The following MLYCD variants were observed in gnomAD, a reference collection of about 807,000 sequenced individuals.
The protein encoded by MLYCD is malonyl-CoA decarboxylase, also known as malonyl-CoA decarboxylase, mitochondrial.
Under a neutral mutation model 35.8 loss-of-function variants are expected in MLYCD, and 27 were observed. The observed-to-expected ratio is 0.75, with a 90% confidence interval of 0.56 to 1.04. The LOEUF (loss-of-function observed/expected upper bound fraction) is 1.04. Among genes scored for constraint, MLYCD ranks in the 50% least tolerant of loss-of-function variants. The pLI is 0.00. For synonymous variants in MLYCD, 403 were observed against 302.4 expected (o/e 1.33, Z -3.45); for missense variants, 917 against 665.1 (o/e 1.38, Z -4.17).
rs762720529 is a variant in MLYCD, at chr16:83,914,968, C to T, written c.961C>T (p.His321Tyr). The change falls in exon 5 of 5, where the codon CAC becomes TAC. Residue 321 changes from histidine to tyrosine, a missense_variant. His to Tyr is a moderately conservative substitution (Grantham distance 83, BLOSUM62 2). Coordinates refer to ENST00000262430, the MANE Select transcript of MLYCD (RefSeq NM_012213.3). ...CCATGCTTTACAGAGAGAGTTTCCT[C>T]ACCTTGGGGTGTTTTCAAGTCTGTC... is the stretch of plus-strand genomic sequence containing the variant. ...VVKELQREFP[H>Y]LGVFSSLSPI... The T allele has an allele frequency of 5.0e-6, 8 of 1,614,234 alleles. No individual in the cohort carries two copies. The highest frequency in any genetic ancestry group is 1.7e-5 in the Admixed American group (1 of 60,030).
intron 1 of MLYCD, among the ~76,000 whole-genome samples, chr16:83,900,072 T>TG (rs1906730635): frequency 6.6e-6 from 1 of 152,214 alleles, no homozygotes; most frequent in South Asian, 2.1e-4. Context: ...AGACCCTGGA[T>TG]GGTGTTTCAG....
chr16:83,900,178 C>CAGGA (rs942887647), intron 1 of MLYCD, among the ~76,000 whole-genome samples: 1 of 152,156 alleles, frequency 6.6e-6, no homozygotes, highest in African/African-American at 2.4e-5. Context: ...CACCACCACC[C>CAGGA]AGGAGTCTCC....
rs749679659 is a variant in MLYCD at position 83,915,213 on chromosome 16, C to A, written c.1206C>A (p.Cys402Ter). 2 of 1,613,988 alleles carry A rather than the reference C, an allele frequency of 1.2e-6. No homozygotes were observed. Among genetic ancestry groups the A allele is most frequent in the Non-Finnish European group, 1.7e-6 (2 of 1,179,838 alleles). The change falls in exon 5 of 5, where the codon TGC becomes TGA. Residue 402 changes from cysteine (C) to a stop codon, truncating the protein, a stop_gained. Transcript: ENST00000262430. LOFTEE classifies it high-confidence loss of function. ...TGCAGACTCCGCTGATGAGGCTGTG[C>A]GCCTGGTACCTGTATGGAGAGAAGC... Reference protein sequence around the residue: ...RALQTPLMRLCAWYLYGEKHR... With the variant: ...RALQTPLMRL
Position 83,917,329 on chromosome 16 carries a change from G to A in MLYCD, c.*1840G>A, listed in dbSNP as rs1373819742. The A allele has an allele frequency of 6.5e-6, 1 of 154,232 alleles. No individual in the cohort carries two copies. Among genetic ancestry groups the A allele is most frequent in the African/African-American group, 2.4e-5 (1 of 41,436 alleles). 9.6% of individuals were successfully genotyped at this position (154,232 alleles called of 1,614,324 possible). A position where few individuals can be genotyped will look rare whatever the true frequency, so the allele number is the denominator to read the frequency against. On this transcript the variant is annotated 3_prime_UTR_variant, in exon 5 of 5. Transcript: ENST00000262430. ...TCTGTGTGTGTCAGTGCACGTCTGT[G>A]TGCGTGTGCACGAGCGTCTCTGGAT...
intron 4 of MLYCD, chr16:83,913,434 TGTC>T (rs1485680243): frequency 2.0e-5 from 3 of 152,212 alleles, no homozygotes; most frequent in African/African-American, 7.2e-5. Flanking sequence ...GTCCTGAGGG[TGTC>T]GCTTAACTGC....
intron 3 of MLYCD, 78 bp from the exon 4 acceptor site, chr16:83,912,140 C>T: frequency 1.3e-6 from 2 of 1,593,914 alleles, no homozygotes; most frequent in Non-Finnish European, 8.6e-7. Context: ...GAATTGTCTT[C>T]TCGTCCCAGC....
chr16:83,900,326 A>G (rs1391167984), intron 1 of MLYCD, among the ~76,000 whole-genome samples: 3 of 152,224 alleles, frequency 2.0e-5, no homozygotes, highest in African/African-American at 7.2e-5. Flanking sequence ...AAATGCAGAC[A>G]CATACTTTGA....
intron 1 of MLYCD, among the ~76,000 whole-genome samples, chr16:83,902,155 G>GTGTGTA (rs1555537769): frequency 1.1e-5 from 1 of 87,316 alleles, no homozygotes; most frequent in Non-Finnish European, 2.3e-5. Context: ...GTGTGCGTGC[G>GTGTGTA]TATATATATA....
rs1433917670 is a variant in MLYCD at position 83,925,975 on chromosome 16, C to T, written c.*10486C>T. On this transcript the variant is annotated 3_prime_UTR_variant, in exon 5 of 5. Coordinates refer to ENST00000262430, the MANE Select transcript of MLYCD (RefSeq NM_012213.3). ...CTAGACGCTCTCTGAGGGCAGGGAC[C>T]CTGCTTCGCTTCTGGCCCGAGGTGG... The T allele has an allele frequency of 2.6e-5, 4 of 152,434 alleles. No individual in the cohort carries two copies. In the East Asian group the frequency reaches 7.7e-4, roughly 29 times the overall value. 9.4% of individuals were successfully genotyped at this position (152,434 alleles called of 1,614,324 possible).
chr16:83,909,127 G>A (rs1201146207), intron 3 of MLYCD, among the ~76,000 whole-genome samples: 2 of 152,174 alleles, frequency 1.3e-5, no homozygotes, highest in Non-Finnish European at 2.9e-5. Flanking sequence ...ACACTCCGAT[G>A]CCCTCTTGGT....
rs1215932535 is a variant in MLYCD, at chr16:83,923,265, T to A, written c.*7776T>A. ...GCTTATTCTGAGCTCTGTTTGAAAT[T>A]AAACATGAGGTGTACTAAAGATTTA... On this transcript the variant is annotated 3_prime_UTR_variant, in exon 5 of 5. Transcript: ENST00000262430. The A allele has an allele frequency of 6.6e-6, 1 of 152,234 alleles. No individual in the cohort carries two copies. Among genetic ancestry groups the A allele is most frequent in the African/African-American group, 2.4e-5 (1 of 41,460 alleles). 9.4% of individuals were successfully genotyped at this position (152,234 alleles called of 1,614,324 possible).
intron 1 of MLYCD, among the ~76,000 whole-genome samples, chr16:83,901,786 T>TA (rs1371745036): frequency 6.6e-6 from 1 of 152,174 alleles, no homozygotes; most frequent in Non-Finnish European, 1.5e-5. Flanking sequence ...GCTGAGTCCT[T>TA]AGACATTCAC....
At position 83,912,199 on chromosome 16, in the gene MLYCD, C is replaced by T. The variant is rs371452638; in HGVS notation, c.799-19C>T. 199 of 1,614,024 alleles carry T rather than the reference C, an allele frequency of 1.2e-4. No homozygotes were observed. Among genetic ancestry groups the T allele is most frequent in the Non-Finnish European group, 1.6e-4 (187 of 1,180,022 alleles). On this transcript the variant is annotated intron_variant, in intron 3 of 4. Coordinates refer to ENST00000262430, the MANE Select transcript of MLYCD (RefSeq NM_012213.3). ...AGAGCGGCCAGGCCACCCTTAGAACCATCGTTGGTGTTTTCCAGGCAATCG... is the reference window on the plus strand; with the variant it reads ...AGAGCGGCCAGGCCACCCTTAGAACTATCGTTGGTGTTTTCCAGGCAATCG...
chr16:83,921,569 C>T lies in MLYCD; in HGVS notation c.*6080C>T, dbSNP rs939808644. 2.0e-5 allele frequency: 3 copies of T among 152,120 alleles called. No homozygotes were observed. Among genetic ancestry groups the T allele is most frequent in the African/African-American group, 7.2e-5 (3 of 41,408 alleles). The allele number at this position is 152,120 out of a possible 1,614,324, so 9.4% of individuals were successfully genotyped here. ...ATGGGTGGATGGATGTATTAACATC[C>T]CTTCTCCATGCCTCAGTCCCCATCA... On this transcript the variant is annotated 3_prime_UTR_variant, in exon 5 of 5. Coordinates refer to ENST00000262430, the MANE Select transcript of MLYCD (RefSeq NM_012213.3).
Position 83,912,328 on chromosome 16 carries a change from G to C in MLYCD, c.909G>C (p.Leu303=). ...LTQQGLQGVE[L]GTFLIKRVVK... The stretch of plus-strand genomic sequence containing the variant: ...AGCAGGGACTCCAAGGGGTGGAGCT[G>C]GGAACATTCCTCATAAAGCGAGTCG... The change falls in exon 4 of 5, where the codon CTG becomes CTC. Residue 303 remains leucine, a synonymous_variant. Transcript: ENST00000262430. 6.2e-7 allele frequency: 1 copy of C among 1,614,218 alleles called. No individual in the cohort carries two copies. Among genetic ancestry groups the C allele is most frequent in the Non-Finnish European group, 8.5e-7 (1 of 1,180,046 alleles).
At chr16:83,903,376 A>G (rs948900955) in intron 1 of MLYCD, among the ~76,000 whole-genome samples, 16 of 152,220 alleles carry the variant, frequency 1.1e-4, no homozygotes, top group Admixed American at 3.3e-4. Flanking sequence ...ATAGGACAGT[A>G]TACCCATAGC....
chr16:83,902,023 T>C lies in MLYCD; in HGVS notation c.528+2351T>C, dbSNP rs186536467. On this transcript the variant is annotated intron_variant, in intron 1 of 4. Coordinates refer to ENST00000262430, the MANE Select transcript of MLYCD (RefSeq NM_012213.3). ...TTTCTTTACCTAGAAACCCCAGCCT[T>C]ATATTCAGTGCATGTAACTGTTAGT... Among the ~76,000 whole-genome samples the C allele has an allele frequency of 2.0e-5, 3 of 152,036 alleles. No individual in the cohort carries two copies. The East Asian group carries it at 5.8e-4, about 29-fold the overall frequency.
Position 83,899,351 on chromosome 16 carries a change from G to C in MLYCD, c.207G>C (p.Ala69=). The change falls in exon 1 of 5, where the codon GCG becomes GCC. Residue 69 remains alanine, a synonymous_variant. Transcript: ENST00000262430. ...CGGCGCCCGCCGAGGGTCAGTGCGC[G>C]GACTTCGTGAGCTTCTACGGTGGGC... The part of the protein sequence containing the change: ...KTPAPAEGQC[A]DFVSFYGGLA... The C allele has an allele frequency of 6.6e-7, 1 of 1,523,420 alleles. No homozygotes were observed. 94.4% of individuals were successfully genotyped at this position (1,523,420 alleles called of 1,614,324 possible). A position where few individuals can be genotyped will look rare whatever the true frequency, so the allele number is the denominator to read the frequency against.
rs1907736213 is a variant in MLYCD, at chr16:83,924,138, G to A, written c.*8649G>A. On this transcript the variant is annotated 3_prime_UTR_variant, in exon 5 of 5. Transcript: ENST00000262430. ...ACCACGGGAAGACAGGAGGAACCCG[G>A]ACCTGGCTCTCGTGCAGGAAGCAGG... The A allele has an allele frequency of 6.6e-6, 1 of 152,248 alleles. No homozygotes were observed. The highest frequency in any genetic ancestry group is 1.5e-5 in the Non-Finnish European group (1 of 68,106). The allele number at this position is 152,248 out of a possible 1,614,324, so 9.4% of individuals were successfully genotyped here. A position where few individuals can be genotyped will look rare whatever the true frequency, so the allele number is the denominator to read the frequency against.
Sources: allele counts gnomAD v4.1 joint callset (sites outside exome capture counted in the v4.1 genomes callset), GRCh38; gene constraint gnomAD v4.1.1; transcripts MANE v1.5; gene names NCBI Gene and HGNC (gene_info 2026-07-23, HGNC 2026-07-21).